The following ZDHHC5 variants were observed in gnomAD, a reference collection of about 807,000 sequenced individuals.
ZDHHC5 encodes the protein zDHHC palmitoyltransferase 5.
ZDHHC5 carries 22 observed loss-of-function variants against 70.0 expected under a neutral mutation model. The ratio of observed to expected loss-of-function variants is 0.31; its 90% confidence interval spans 0.22 to 0.45. ZDHHC5 has a LOEUF of 0.45. Among genes scored for constraint, ZDHHC5 ranks in the 20% least tolerant of loss-of-function variants. ZDHHC5 has a pLI of 1.00. For missense variants in ZDHHC5, 746 were observed against 926.9 expected (o/e 0.80, Z 2.53); for synonymous variants, 313 against 347.8 (o/e 0.90, Z 1.11).
intron 4 of ZDHHC5, 102 bp downstream of exon 4, chr11:57,688,767 A>ATGTGG (rs1946244142): frequency 1.5e-6 from 2 of 1,337,202 alleles, no homozygotes; most frequent in Non-Finnish European, 2.0e-6. Context: ...AGTCCTGTCT[A>ATGTGG]ACTACGTTGG....
At chr11:57,688,124 T>C (rs1220457360) in intron 3 of ZDHHC5, among the ~76,000 whole-genome samples, 1 of 152,188 alleles carries the variant, frequency 6.6e-6, no homozygotes, top group African/African-American at 2.4e-5. Flanking sequence ...CTCTCTTGGA[T>C]TGCTATAGTT....
chr11:57,693,188 T>G (rs1946307614), intron 7 of ZDHHC5, among the ~76,000 whole-genome samples: 1 of 152,108 alleles, frequency 6.6e-6, no homozygotes, highest in South Asian at 2.1e-4. Context: ...GCACCTGTAA[T>G]CCCAGCTACT....
chr11:57,674,234 A>G (rs1321383380), intron 2 of ZDHHC5, among the ~76,000 whole-genome samples: 2 of 152,026 alleles, frequency 1.3e-5, no homozygotes, highest in Non-Finnish European at 2.9e-5. Context: ...GATCTGCATC[A>G]TTCTCACTTT....
At chr11:57,690,691 C>T (rs568762824) in intron 6 of ZDHHC5, among the ~76,000 whole-genome samples, 5 of 152,288 alleles carry the variant, frequency 3.3e-5, no homozygotes. Context: ...AGTTCTTGTC[C>T]TTTGTAGGGA....
rs766793236 is a variant in ZDHHC5, at chr11:57,690,124, A to G, written c.478A>G (p.Ile160Val). ...FLFLLSLTAH[I>V]MGVFGFGLLY... ...TTTCCTCCTTTCCCTGACAGCCCAC[A>G]TTATGGGTGTGTTTGGCTTTGGCCT... The change falls in exon 5 of 12, where the codon ATT (isoleucine) becomes GTT (valine). Residue 160 changes from isoleucine (I) to valine (V), a missense_variant. By Grantham distance (29) the Ile-to-Val change is conservative. Coordinates refer to ENST00000287169, the MANE Select transcript of ZDHHC5 (RefSeq NM_015457.3). The G allele has an allele frequency of 6.2e-7, 1 of 1,613,784 alleles. No homozygotes were observed. The highest frequency in any genetic ancestry group is 8.5e-7 in the Non-Finnish European group (1 of 1,179,968).
chr11:57,693,684 C>T, intron 7 of ZDHHC5, 99 bp from the exon 8 acceptor site: 1 of 1,428,176 alleles, frequency 7.0e-7, no homozygotes, highest in Non-Finnish European at 9.2e-7. Flanking sequence ...TTTTTACCAA[C>T]CTAATAAAAA....
intron 2 of ZDHHC5, among the ~76,000 whole-genome samples, chr11:57,682,093 C>T (rs669433): frequency 0.27 from 41,692 of 152,076 alleles, 6,811 homozygotes; most frequent in East Asian, 0.79. Flanking sequence ...ACCTGGTTCT[C>T]ATGTCTGGTT....
Position 57,698,899 on chromosome 11 carries a change from G to A in ZDHHC5, c.1463G>A (p.Gly488Glu), listed in dbSNP as rs1281254346. 1.2e-6 allele frequency: 2 copies of A among 1,614,150 alleles called. No individual in the cohort carries two copies. Among genetic ancestry groups the A allele is most frequent in the Non-Finnish European group, 8.5e-7 (1 of 1,180,022 alleles). The change falls in exon 11 of 12, where the codon GGG becomes GAG. Residue 488 changes from glycine (G) to glutamate (E), a missense_variant. Physicochemically the swap from Gly to Glu is moderately conservative, Grantham distance 98. This residue lies in a region of ZDHHC5 where 340 missense variants were observed against 350.1 expected (regional missense o/e 0.97). Transcript: ENST00000287169. ...DSPDFESVQAGPEPDPPLGYT... is the reference protein window; with the variant it reads ...DSPDFESVQAEPEPDPPLGYT... The stretch of plus-strand genomic sequence containing the variant: ...CCTGATTTTGAGTCAGTGCAGGCAG[G>A]GCCTGAGCCAGACCCACCTTTAGGC...
At chr11:57,687,756 G>GTTTTTTTTTTTTTTTTTTTTT (rs746146074) in intron 3 of ZDHHC5, among the ~76,000 whole-genome samples, 1 of 75,290 alleles carries the variant, frequency 1.3e-5, no homozygotes, top group African/African-American at 5.2e-5. Flanking sequence ...TTTTGGGAAA[G>GTTTTTTTTTTTTTTTTTTTTT]TTTTTTTTTT....
chr11:57,695,579 G>C (rs1946339983), intron 8 of ZDHHC5, among the ~76,000 whole-genome samples: 1 of 152,048 alleles, frequency 6.6e-6, no homozygotes, highest in South Asian at 2.1e-4. Flanking sequence ...CTTGAGGCCA[G>C]GGGTTCAAGA....
chr11:57,690,297 G>T, intron 5 of ZDHHC5, 38 bp from the exon 6 acceptor site: 1 of 1,614,006 alleles, frequency 6.2e-7, no homozygotes, highest in Non-Finnish European at 8.5e-7. Flanking sequence ...GGAAAGTGAG[G>T]TCATGTTGCT....
intron 10 of ZDHHC5, among the ~76,000 whole-genome samples, chr11:57,698,118 A>C (rs1246310751): frequency 1.8e-5 from 2 of 110,284 alleles, no homozygotes; most frequent in Non-Finnish European, 4.7e-5. Context: ...CTGGGCTTAA[A>C]ACACACACAC....
At chr11:57,685,866 A>G (rs554571956) in intron 3 of ZDHHC5, among the ~76,000 whole-genome samples, 1 of 152,028 alleles carries the variant, frequency 6.6e-6, no homozygotes, top group South Asian at 2.1e-4. Flanking sequence ...TGTCTCTACT[A>G]AAAATACAAA....
chr11:57,668,872 C>T (rs1321317058), intron 1 of ZDHHC5, among the ~76,000 whole-genome samples: 1 of 152,200 alleles, frequency 6.6e-6, no homozygotes, highest in Non-Finnish European at 1.5e-5. Flanking sequence ...GTGTTTTACC[C>T]ACTTGGCCAA....
At chr11:57,668,214 C>T (rs1172488363) in intron 1 of ZDHHC5, 27 bp downstream of exon 1, 4 of 357,660 alleles carry the variant, frequency 1.1e-5, no homozygotes, top group Admixed American at 4.7e-5. Flanking sequence ...CCGGTCCCTG[C>T]GGAACCGGAA....
chr11:57,689,953 ATTTG>A (rs1946260521), intron 4 of ZDHHC5, 74 bp from the exon 5 acceptor site: 1 of 1,502,128 alleles, frequency 6.7e-7, no homozygotes, highest in East Asian at 2.3e-5. Context: ...CTTAGCTGCC[ATTTG>A]TTTCTCTTCT....
intron 4 of ZDHHC5, among the ~76,000 whole-genome samples, chr11:57,689,806 A>G (rs1456722387): frequency 6.6e-6 from 1 of 151,594 alleles, no homozygotes; most frequent in Non-Finnish European, 1.5e-5. Context: ...CCCCCCAAGT[A>G]GCTGGGACTA....
At chr11:57,675,100 C>G (rs1350504876) in intron 2 of ZDHHC5, among the ~76,000 whole-genome samples, 1 of 152,288 alleles carries the variant, frequency 6.6e-6, no homozygotes, top group Middle Eastern at 3.4e-3. Context: ...AAAATTTTAA[C>G]TAAGGGACAT....
intron 2 of ZDHHC5, among the ~76,000 whole-genome samples, chr11:57,679,457 T>G (rs557441853): frequency 1.3e-5 from 2 of 152,276 alleles, no homozygotes; most frequent in South Asian, 4.1e-4. Context: ...CCACCATACC[T>G]GGCCCCACTC....
Sources: gnomAD v4.1 joint callset for allele counts (sites outside exome capture counted in the v4.1 genomes callset) on GRCh38, gnomAD v4.1.1 for gene constraint, gnomAD v4.1.1 regional missense constraint, MANE v1.5 for transcripts, NCBI Gene and HGNC (gene_info 2026-07-23, HGNC 2026-07-21) for gene names.